The following MLLT3 variants were observed in gnomAD, a reference collection of about 807,000 sequenced individuals.
MLLT3 encodes protein AF-9.
In MLLT3, 4 loss-of-function variants were observed where a neutral mutation model predicts 53.2. That is an observed-to-expected ratio of 0.08 (90% CI 0.04 to 0.17). The LOEUF (loss-of-function observed/expected upper bound fraction) is 0.17, where lower values mean the gene tolerates loss of function less well. Among genes scored for constraint, MLLT3 ranks in the 10% least tolerant of loss-of-function variants. MLLT3 has a pLI of 1.00. For synonymous variants in MLLT3, 283 were observed against 230.6 expected (o/e 1.23, Z -2.06); for missense variants, 569 against 684.0 (o/e 0.83, Z 1.87).
chr9:20,429,602 A>G (rs983464362), intron 4 of MLLT3, among the ~76,000 whole-genome samples: 10 of 152,206 alleles, frequency 6.6e-5, no homozygotes, highest in African/African-American at 2.4e-4. Context: ...GTTTAATCCC[A>G]AAATTCAAGA....
intron 2 of MLLT3, among the ~76,000 whole-genome samples, chr9:20,470,790 A>G (rs1824370855): frequency 6.6e-6 from 1 of 151,962 alleles, no homozygotes; most frequent in African/African-American, 2.4e-5. Flanking sequence ...CAGGAAGAAA[A>G]TTTTAATATT....
chr9:20,436,286 C>A (rs1469660842), intron 4 of MLLT3, among the ~76,000 whole-genome samples: 2 of 151,260 alleles, frequency 1.3e-5, no homozygotes, highest in Non-Finnish European at 3.0e-5. Flanking sequence ...ACAGAAAATG[C>A]AAACTTAACC....
chr9:20,571,338 CTAT>C (rs1227295034), intron 2 of MLLT3, among the ~76,000 whole-genome samples: 4 of 152,014 alleles, frequency 2.6e-5, no homozygotes, highest in Non-Finnish European at 5.9e-5. Context: ...AAGTGATGAC[CTAT>C]TAATAGGAGA....
chr9:20,345,737 A>C lies in MLLT3; in HGVS notation c.*706T>G, dbSNP rs553414877. On this transcript the variant is annotated 3_prime_UTR_variant, in exon 11 of 11. Coordinates refer to ENST00000380338, the MANE Select transcript of MLLT3 (RefSeq NM_004529.4). Reference sequence around the variant, plus strand: ...CAAGATCATTACATGGATACAGCCAAGGACTGGGCCCCAACTTTCAGGAAA... The same window carrying C: ...CAAGATCATTACATGGATACAGCCACGGACTGGGCCCCAACTTTCAGGAAA... The C allele has an allele frequency of 4.5e-6, 1 of 219,946 alleles. No homozygotes were observed. Among genetic ancestry groups the C allele is most frequent in the Non-Finnish European group, 9.1e-6 (1 of 109,444 alleles). 13.6% of individuals were successfully genotyped at this position (219,946 alleles called of 1,614,324 possible). A position where few individuals can be genotyped will look rare whatever the true frequency, so the allele number is the denominator to read the frequency against.
intron 2 of MLLT3, among the ~76,000 whole-genome samples, chr9:20,498,485 T>TC (rs1478740993): frequency 6.6e-6 from 1 of 152,176 alleles, no homozygotes; most frequent in Non-Finnish European, 1.5e-5. Context: ...AACTGAACCA[T>TC]CTTATTATTC....
rs1443471623 is a variant in MLLT3, at chr9:20,360,727, A to G, written c.1431+15T>C. On this transcript the variant is annotated intron_variant, in intron 8 of 10. Transcript: ENST00000380338. The stretch of plus-strand genomic sequence containing the variant: ...GCTCTGCAGAGTCTTGCAAAGTGCA[A>G]ACCCCACAATTTACCTGGTTGTTGT... 3 of 1,606,674 alleles carry G rather than the reference A, an allele frequency of 1.9e-6. No individual in the cohort carries two copies. The highest frequency in any genetic ancestry group is 2.6e-6 in the Non-Finnish European group (3 of 1,173,186).
intron 5 of MLLT3, among the ~76,000 whole-genome samples, chr9:20,396,688 C>T (rs763655608): frequency 1.3e-5 from 2 of 152,006 alleles, no homozygotes; most frequent in Non-Finnish European, 2.9e-5. Context: ...TGTTGGTGGG[C>T]GTAGATGCCG....
At chr9:20,365,349 CT>C (rs1265751593) in intron 6 of MLLT3, among the ~76,000 whole-genome samples, 2 of 151,312 alleles carry the variant, frequency 1.3e-5, no homozygotes, top group Non-Finnish European at 3.0e-5. Context: ...GTTTTGTTTT[CT>C]TTTTTTTGAG....
chr9:20,503,562 C>CA (rs1388221299), intron 2 of MLLT3, among the ~76,000 whole-genome samples: 1 of 152,062 alleles, frequency 6.6e-6, no homozygotes, highest in East Asian at 1.9e-4. Flanking sequence ...ACTAAAGATT[C>CA]AAATGTAAAC....
chr9:20,573,759 G>C (rs1040139199), intron 2 of MLLT3, among the ~76,000 whole-genome samples: 2 of 152,138 alleles, frequency 1.3e-5, no homozygotes, highest in African/African-American at 4.8e-5. Context: ...AATAAAAACA[G>C]TGTTAACAGT....
chr9:20,501,778 A>C (rs1265639733), intron 2 of MLLT3, among the ~76,000 whole-genome samples: 93 of 149,200 alleles, frequency 6.2e-4, no homozygotes, highest in African/African-American at 2.2e-3. Context: ...AAAAAAAAAA[A>C]AAAAAAAACC....
chr9:20,440,966 C>G (rs571802071), intron 4 of MLLT3, among the ~76,000 whole-genome samples: 1 of 152,234 alleles, frequency 6.6e-6, no homozygotes, highest in South Asian at 2.1e-4. Context: ...GTCAGCTAAA[C>G]TGCTACTTCG....
intron 4 of MLLT3, among the ~76,000 whole-genome samples, chr9:20,435,146 C>T (rs904892022): frequency 7.2e-5 from 11 of 152,250 alleles, no homozygotes; most frequent in African/African-American, 2.6e-4. Context: ...AGTACCACAG[C>T]TTTTTCTCCT....
chr9:20,415,479 G>C, intron 4 of MLLT3: 2 of 965,160 alleles, frequency 2.1e-6, no homozygotes, highest in Non-Finnish European at 2.5e-6. Flanking sequence ...ATAAGAAACA[G>C]AGAAGATCCT....
chr9:20,494,050 G>C (rs1240814617), intron 2 of MLLT3, among the ~76,000 whole-genome samples: 1 of 152,018 alleles, frequency 6.6e-6, no homozygotes, highest in East Asian at 1.9e-4. Flanking sequence ...CTTGTCTTCA[G>C]GAAGATGCAA....
intron 4 of MLLT3, among the ~76,000 whole-genome samples, chr9:20,431,011 GAAT>G (rs1453762632): frequency 1.3e-5 from 2 of 152,152 alleles, no homozygotes; most frequent in South Asian, 2.1e-4. Flanking sequence ...CAAAATAAGA[GAAT>G]AATGATACAA....
intron 2 of MLLT3, among the ~76,000 whole-genome samples, chr9:20,475,072 G>A (rs775531026): frequency 5.9e-5 from 9 of 152,054 alleles, no homozygotes; most frequent in Non-Finnish European, 1.3e-4. Flanking sequence ...CGGGGGGTGG[G>A]AACTGAATGA....
intron 5 of MLLT3, among the ~76,000 whole-genome samples, chr9:20,387,062 A>G (rs1586910270): frequency 6.6e-6 from 1 of 152,318 alleles, no homozygotes; most frequent in East Asian, 1.9e-4. Flanking sequence ...GAGGACAGAA[A>G]ATACGTCTTT....
chr9:20,509,546 A>C (rs972477003), intron 2 of MLLT3, among the ~76,000 whole-genome samples: 1 of 152,154 alleles, frequency 6.6e-6, no homozygotes, highest in Non-Finnish European at 1.5e-5. Flanking sequence ...CTTTCTCCTA[A>C]GCATTAATAT....
Sources: gnomAD v4.1 joint callset for allele counts (sites outside exome capture counted in the v4.1 genomes callset) on GRCh38, gnomAD v4.1.1 for gene constraint, MANE v1.5 for transcripts, NCBI Gene and HGNC (gene_info 2026-07-23, HGNC 2026-07-21) for gene names.